MSRB3: variants seen among roughly 807,000 people sequenced by gnomAD.
MSRB3 encodes methionine sulfoxide reductase B3.
MSRB3 carries 13 observed loss-of-function variants against 21.0 expected under a neutral mutation model. The ratio of observed to expected loss-of-function variants is 0.62; its 90% CI spans 0.40 to 0.98. MSRB3 has a LOEUF of 0.98. Among genes scored for constraint, MSRB3 ranks in the 50% least tolerant of loss-of-function variants. The pLI, the probability that MSRB3 is intolerant of heterozygous loss-of-function variation, is 0.00. For synonymous variants in MSRB3, 87 were observed against 88.6 expected (o/e 0.98, Z 0.10); for missense variants, 199 against 230.3 (o/e 0.86, Z 0.88).
At chr12:65,311,907 TA>T (rs1407782374) in intron 2 of MSRB3, among the ~76,000 whole-genome samples, 6 of 152,112 alleles carry the variant, frequency 3.9e-5, no homozygotes, top group Non-Finnish European at 7.4e-5. Context: ...TTTTACGTCT[TA>T]TTTTTTTAAT....
intron 4 of MSRB3, among the ~76,000 whole-genome samples, chr12:65,344,547 T>C (rs1441724554): frequency 1.3e-5 from 2 of 151,938 alleles, no homozygotes; most frequent in East Asian, 3.9e-4. Flanking sequence ...TAAAGTGGTA[T>C]GTGTATTATT....
Position 65,293,526 on chromosome 12 carries a change from G to A in MSRB3, c.-52+14661G>A, listed in dbSNP as rs139701910. 4.8e-3 allele frequency among the ~76,000 whole-genome samples: 723 copies of A among 152,092 alleles called. 5 individuals carry two copies. The highest frequency in any genetic ancestry group is 4.5e-3 in the Non-Finnish European group (306 of 67,990). On this transcript the variant is annotated intron_variant, in intron 1 of 6. Transcript: ENST00000308259. ...TCAGGGCTACTGCTCATCTTTTCCCGTGTCTGGAATACTTCTTTCCTTATT... is the reference window on the plus strand; with the variant it reads ...TCAGGGCTACTGCTCATCTTTTCCCATGTCTGGAATACTTCTTTCCTTATT...
chr12:65,440,940 G>A (rs1882348722), intron 5 of MSRB3, among the ~76,000 whole-genome samples: 1 of 151,916 alleles, frequency 6.6e-6, no homozygotes, highest in South Asian at 2.1e-4. Flanking sequence ...TTACCATTTA[G>A]TGGAGTAAGA....
rs1314404197 is a variant in MSRB3, at chr12:65,347,472, A to G, written c.263+18869A>G. ...CTTTGCTGAAGTTGCCTATCAGCTT[A>G]AGGAGATTTTGGGCTTAGATGATGG... On this transcript the variant is annotated intron_variant, in intron 4 of 6. Transcript: ENST00000308259. Among the ~76,000 whole-genome samples the G allele has an allele frequency of 4.6e-5, 7 of 152,168 alleles. No individual in the cohort carries two copies. The South Asian group carries it at 1.4e-3, about 32-fold the overall frequency.
At chr12:65,377,445 T>A (rs577012007) in intron 5 of MSRB3, among the ~76,000 whole-genome samples, 1 of 151,920 alleles carries the variant, frequency 6.6e-6, no homozygotes, top group Admixed American at 6.6e-5. Flanking sequence ...TCCCCCGCCC[T>A]TCTGCAACCA....
intron 2 of MSRB3, among the ~76,000 whole-genome samples, chr12:65,316,818 G>A (rs1371623878): frequency 4.6e-5 from 7 of 152,138 alleles, no homozygotes; most frequent in African/African-American, 1.7e-4. Context: ...GAAGCATTGT[G>A]CTTCTTTCCT....
chr12:65,395,194 TG>T, intron 5 of MSRB3, among the ~76,000 whole-genome samples: 1 of 152,174 alleles, frequency 6.6e-6, no homozygotes, highest in Non-Finnish European at 1.5e-5. Flanking sequence ...TGGCTGGGCA[TG>T]GTGGCTCACA....
chr12:65,408,303 C>T (rs1209889281), intron 5 of MSRB3, among the ~76,000 whole-genome samples: 6 of 152,124 alleles, frequency 3.9e-5, no homozygotes, highest in African/African-American at 9.7e-5. Context: ...CCATATTGGC[C>T]AGGCTGGTCT....
chr12:65,307,185 C>T (rs1372228449), intron 1 of MSRB3, among the ~76,000 whole-genome samples: 1 of 152,176 alleles, frequency 6.6e-6, no homozygotes. Context: ...TCTGCAGTCA[C>T]TCGTGAAAAT....
At chr12:65,384,506 T>C (rs1879111576) in intron 5 of MSRB3, among the ~76,000 whole-genome samples, 1 of 152,164 alleles carries the variant, frequency 6.6e-6, no homozygotes, top group Admixed American at 6.5e-5. Flanking sequence ...AATGACATGA[T>C]TAATGACTGA....
intron 5 of MSRB3, among the ~76,000 whole-genome samples, chr12:65,425,348 C>A (rs1443704226): frequency 2.6e-5 from 4 of 151,982 alleles, no homozygotes; most frequent in South Asian, 4.1e-4. Flanking sequence ...GGTTCATTTA[C>A]ATTCAAGGTA....
At chr12:65,382,564 C>T (rs1384526551) in intron 5 of MSRB3, among the ~76,000 whole-genome samples, 7 of 151,658 alleles carry the variant, frequency 4.6e-5, no homozygotes, top group Non-Finnish European at 1.0e-4. Context: ...TTTTTATCTA[C>T]ATATTTGCTT....
intron 1 of MSRB3, among the ~76,000 whole-genome samples, chr12:65,301,101 C>T (rs534344424): frequency 1.3e-5 from 2 of 152,216 alleles, no homozygotes; most frequent in South Asian, 4.1e-4. Flanking sequence ...TATATACACA[C>T]ACACAGACAC....
intron 5 of MSRB3, among the ~76,000 whole-genome samples, chr12:65,395,269 C>G (rs1037241227): frequency 3.9e-5 from 6 of 152,138 alleles, no homozygotes; most frequent in African/African-American, 1.4e-4. Flanking sequence ...GAGTTTGTGA[C>G]CAGCCTGACC....
At position 65,369,027 on chromosome 12, in the gene MSRB3, G is replaced by A; in HGVS notation, c.292+1G>A. Reference sequence around the variant, plus strand: ...GAAACCAAATTTGACTCCGGTTCAGGTATGTTTACATTAATAATGCTCTTC... The same window carrying A: ...GAAACCAAATTTGACTCCGGTTCAGATATGTTTACATTAATAATGCTCTTC... On this transcript the variant is annotated splice_donor_variant, in intron 5 of 6. Coordinates refer to ENST00000308259, the MANE Select transcript of MSRB3 (RefSeq NM_001031679.3). LOFTEE classifies it high-confidence loss of function. 2 of 1,574,756 alleles carry A rather than the reference G, an allele frequency of 1.3e-6. No homozygotes were observed. Among genetic ancestry groups the A allele is most frequent in the Non-Finnish European group, 1.7e-6 (2 of 1,150,676 alleles).
chr12:65,441,728 G>T (rs963159711), intron 5 of MSRB3, among the ~76,000 whole-genome samples: 2 of 151,978 alleles, frequency 1.3e-5, no homozygotes, highest in African/African-American at 2.4e-5. Context: ...GGTTGGCAAA[G>T]ATTTCCCTAA....
chr12:65,377,664 TTTTG>T (rs1878704776), intron 5 of MSRB3, among the ~76,000 whole-genome samples: 2 of 152,306 alleles, frequency 1.3e-5, no homozygotes, highest in Admixed American at 1.3e-4. Context: ...AGTTGGAAAT[TTTTG>T]TTCTTTAATA....
chr12:65,418,613 G>A, intron 5 of MSRB3: 1 of 583,426 alleles, frequency 1.7e-6, no homozygotes, highest in Non-Finnish European at 3.0e-6. Flanking sequence ...TAGTTTTACA[G>A]TTTCAGATCT....
chr12:65,325,144 A>T (rs1289313256), intron 2 of MSRB3, among the ~76,000 whole-genome samples: 1 of 152,226 alleles, frequency 6.6e-6, no homozygotes. Context: ...TTGACTGATT[A>T]TTTAAGAAAG....
Sources: gnomAD v4.1 joint callset for allele counts (sites outside exome capture counted in the v4.1 genomes callset) on GRCh38, gnomAD v4.1.1 for gene constraint, MANE v1.5 for transcripts, NCBI Gene and HGNC (gene_info 2026-07-23, HGNC 2026-07-21) for gene names.